Variants in WDPCP observed in about 807,000 individuals in gnomAD.
WDPCP encodes the protein WD repeat containing planar cell polarity effector, also known as WD repeat-containing and planar cell polarity effector protein fritz homolog.
A neutral mutation model predicts 93.1 loss-of-function variants in WDPCP; 71 were observed. That is an observed-to-expected ratio of 0.76 (90% confidence interval 0.63 to 0.93). The LOEUF (loss-of-function observed/expected upper bound fraction) is 0.93. WDPCP is among the 40% of genes least tolerant of loss of function. The pLI, the probability that WDPCP is intolerant of heterozygous loss-of-function variation, is 0.00. For synonymous variants in WDPCP, 315 were observed against 315.0 expected (o/e 1.00, Z 0.00); for missense variants, 844 against 887.4 (o/e 0.95, Z 0.62).
chr2:63,799,451 C>G (rs1444640975), intron 2 of WDPCP, among the ~76,000 whole-genome samples: 25 of 152,068 alleles, frequency 1.6e-4, no homozygotes. Context: ...TGGAATATAC[C>G]AAAGTAGCCT....
chr2:63,350,436 TA>T (rs1689511816), intron 12 of WDPCP, among the ~76,000 whole-genome samples: 1 of 128,642 alleles, frequency 7.8e-6, no homozygotes, highest in African/African-American at 2.9e-5. Flanking sequence ...ACTTAGAGTA[TA>T]AAAAAAGAAA....
chr2:63,782,739 CATGTGT>C (rs1257271415), intron 2 of WDPCP, among the ~76,000 whole-genome samples: 120 of 103,562 alleles, frequency 1.2e-3, no homozygotes, highest in African/African-American at 3.4e-3. Flanking sequence ...CCACAGGCAA[CATGTGT>C]GTGTGTGTGT....
chr2:63,267,086 A>C (rs1682194011), intron 13 of WDPCP, among the ~76,000 whole-genome samples: 1 of 152,194 alleles, frequency 6.6e-6, no homozygotes, highest in South Asian at 2.1e-4. Flanking sequence ...ACATATTATA[A>C]AGCTATTGAA....
intron 14 of WDPCP, among the ~76,000 whole-genome samples, chr2:63,222,186 A>G (rs1040099798): frequency 6.6e-5 from 10 of 152,342 alleles, no homozygotes; most frequent in African/African-American, 2.4e-4. Flanking sequence ...ATTACAGACC[A>G]ACCTTTGTAA....
chr2:63,617,894 C>T (rs1016731740), intron 3 of WDPCP, among the ~76,000 whole-genome samples: 3 of 152,146 alleles, frequency 2.0e-5, no homozygotes, highest in Non-Finnish European at 4.4e-5. Flanking sequence ...CATATATGTA[C>T]ACATTTGTTT....
At chr2:63,594,412 T>A in intron 3 of WDPCP, 1 of 1,079,376 alleles carries the variant, frequency 9.3e-7, no homozygotes, top group Non-Finnish European at 1.4e-6. Flanking sequence ...GTGGATTTCT[T>A]ACTATAGATT....
intron 1 of WDPCP, among the ~76,000 whole-genome samples, chr2:63,583,480 G>A (rs753939669): frequency 3.3e-5 from 5 of 152,030 alleles, no homozygotes; most frequent in African/African-American, 4.8e-5. Context: ...TCAAGAGATC[G>A]AGATCATCTG....
At chr2:63,358,708 A>G (rs1426195685) in intron 12 of WDPCP, among the ~76,000 whole-genome samples, 1 of 152,084 alleles carries the variant, frequency 6.6e-6, no homozygotes, top group African/African-American at 2.4e-5. Flanking sequence ...CTTCCCACCT[A>G]GGCTTCCAAA....
At chr2:63,486,246 T>C (rs1700570271) in intron 4 of WDPCP, among the ~76,000 whole-genome samples, 1 of 151,850 alleles carries the variant, frequency 6.6e-6, no homozygotes, top group African/African-American at 2.4e-5. Flanking sequence ...AATAATTAAA[T>C]GTTACTATCA....
At chr2:63,338,383 C>T (rs1230662686) in intron 12 of WDPCP, among the ~76,000 whole-genome samples, 1 of 151,234 alleles carries the variant, frequency 6.6e-6, no homozygotes, top group African/African-American at 2.4e-5. Context: ...GAAACCCCGT[C>T]TCTATTAAAG....
intron 6 of WDPCP, among the ~76,000 whole-genome samples, chr2:63,483,280 G>A (rs1470084694): frequency 6.6e-6 from 1 of 151,868 alleles, no homozygotes; most frequent in Non-Finnish European, 1.5e-5. Flanking sequence ...TTGGTACTAA[G>A]TTTGAAACTT....
intron 12 of WDPCP, among the ~76,000 whole-genome samples, chr2:63,351,466 C>T (rs1558505792): frequency 6.6e-6 from 1 of 151,792 alleles, no homozygotes; most frequent in African/African-American, 2.4e-5. Flanking sequence ...TCTGTCGTTC[C>T]CATATTAATG....
chr2:63,714,317 C>T (rs1669304310), intron 2 of WDPCP, among the ~76,000 whole-genome samples: 1 of 152,076 alleles, frequency 6.6e-6, no homozygotes, highest in Admixed American at 6.5e-5. Flanking sequence ...ATCCACCCGC[C>T]TTGTCCTCCC....
intron 1 of WDPCP, among the ~76,000 whole-genome samples, chr2:63,550,293 TGAAA>T (rs1419113626): frequency 2.0e-5 from 3 of 151,846 alleles, no homozygotes; most frequent in Non-Finnish European, 4.4e-5. Context: ...AACCAAGTCT[TGAAA>T]GAGTTTTCTT....
intron 1 of WDPCP, among the ~76,000 whole-genome samples, chr2:63,535,746 A>G (rs1278969506): frequency 6.6e-6 from 1 of 152,228 alleles, no homozygotes; most frequent in African/African-American, 2.4e-5. Context: ...TTAGACCTAA[A>G]ACCATAAAAG....
chr2:63,277,177 T>G (rs897001375), intron 13 of WDPCP, among the ~76,000 whole-genome samples: 1 of 151,874 alleles, frequency 6.6e-6, no homozygotes, highest in African/African-American at 2.4e-5. Context: ...AGACAAATGC[T>G]GAGAGAATTC....
chr2:63,345,254 A>G (rs904986784), intron 12 of WDPCP, among the ~76,000 whole-genome samples: 2 of 152,166 alleles, frequency 1.3e-5, no homozygotes, highest in African/African-American at 4.8e-5. Flanking sequence ...TGTTAGGACT[A>G]CACTTTCCAT....
At chr2:63,405,610 A>G (rs1183149798) in intron 9 of WDPCP, among the ~76,000 whole-genome samples, 1 of 146,294 alleles carries the variant, frequency 6.8e-6, no homozygotes, top group Non-Finnish European at 1.5e-5. Context: ...CCTGGAACCA[A>G]TCATCCACAT....
chr2:63,374,914 C>G (rs1344173261), intron 12 of WDPCP, among the ~76,000 whole-genome samples: 1 of 151,964 alleles, frequency 6.6e-6, no homozygotes. Flanking sequence ...ATTACCCCAC[C>G]AATATTTCAT....
Sources: allele counts gnomAD v4.1 joint callset (sites outside exome capture counted in the v4.1 genomes callset), GRCh38; gene constraint gnomAD v4.1.1; transcripts MANE v1.5; gene names NCBI Gene and HGNC (gene_info 2026-07-23, HGNC 2026-07-21).